Variants in LRSAM1 observed in about 807,000 individuals in gnomAD.
LRSAM1 encodes the protein leucine rich repeat and sterile alpha motif containing 1.
In LRSAM1, 96 loss-of-function variants were observed where a neutral mutation model predicts 118.1. The ratio of observed to expected loss-of-function variants is 0.81; its 90% CI spans 0.69 to 0.96. The LOEUF is 0.96. Ranked by LOEUF, LRSAM1 falls within the 40% of genes least tolerant of loss-of-function variation. The probability of loss-of-function intolerance (pLI) is 0.00; values close to 1 mark genes in which losing one functional copy is unlikely to be tolerated. For synonymous variants in LRSAM1, 322 were observed against 364.2 expected (o/e 0.88, Z 1.32); for missense variants, 804 against 915.5 (o/e 0.88, Z 1.57).
At chr9:127,494,790 T>A (rs1353065343) in intron 21 of LRSAM1, among the ~76,000 whole-genome samples, 2 of 151,966 alleles carry the variant, frequency 1.3e-5, no homozygotes, top group Non-Finnish European at 2.9e-5. Flanking sequence ...ACTAAAAATA[T>A]AAAAATTAGC....
intron 16 of LRSAM1, 79 bp downstream of exon 16, chr9:127,483,099 G>T: frequency 7.4e-7 from 1 of 1,360,204 alleles, no homozygotes; most frequent in Non-Finnish European, 1.0e-6. Context: ...CCCTCTGTTG[G>T]CCATGCATGG....
At chr9:127,458,402 A>C (rs1343988031) in intron 6 of LRSAM1, among the ~76,000 whole-genome samples, 1 of 150,380 alleles carries the variant, frequency 6.6e-6, no homozygotes, top group Non-Finnish European at 1.5e-5. Context: ...AACAAAACAA[A>C]ACAAAACAAA....
rs776224600 is a variant in LRSAM1 at position 127,502,947 on chromosome 9, G to T, written c.*48G>T. ...TGGTCCTAGCCCTGCCTCGGCCACT[G>T]TGAGCCCCGGGCTCCTGCTCAGCCT... On this transcript the variant is annotated 3_prime_UTR_variant, in exon 26 of 26. Transcript: ENST00000300417. 1.3e-6 allele frequency: 2 copies of T among 1,555,886 alleles called. No homozygotes were observed. Among genetic ancestry groups the T allele is most frequent in the South Asian group, 2.4e-5 (2 of 84,920 alleles).
chr9:127,495,087 G>C (rs1378809746), intron 21 of LRSAM1, among the ~76,000 whole-genome samples: 1 of 152,146 alleles, frequency 6.6e-6, no homozygotes, highest in African/African-American at 2.4e-5. Context: ...GAGTAGCTGG[G>C]ATTACAGGCA....
chr9:127,501,735 A>G (rs1404588397), intron 25 of LRSAM1, among the ~76,000 whole-genome samples: 1 of 152,238 alleles, frequency 6.6e-6, no homozygotes, highest in Admixed American at 6.5e-5. Flanking sequence ...CCATCTCAAA[A>G]AAAAGAAAAA....
intron 16 of LRSAM1, 147 bp downstream of exon 16, chr9:127,483,167 C>T: frequency 1.3e-6 from 1 of 754,574 alleles, no homozygotes; most frequent in South Asian, 1.6e-5. Flanking sequence ...GGAGCACAGG[C>T]TCTGGGGTCA....
chr9:127,481,040 A>T, intron 14 of LRSAM1, 143 bp from the exon 15 acceptor site: 1 of 808,814 alleles, frequency 1.2e-6, no homozygotes, highest in Non-Finnish European at 2.0e-6. Flanking sequence ...GGTTTCAGTA[A>T]CTGGCTAAGA....
intron 10 of LRSAM1, among the ~76,000 whole-genome samples, chr9:127,471,237 G>C (rs986088762): frequency 6.7e-6 from 1 of 149,500 alleles, no homozygotes; most frequent in Non-Finnish European, 1.5e-5. Flanking sequence ...CCAACATTTT[G>C]GGAGGCCAAG....
intron 24 of LRSAM1, 113 bp downstream of exon 24, chr9:127,497,447 C>A: frequency 9.3e-7 from 1 of 1,075,830 alleles, no homozygotes; most frequent in Non-Finnish European, 1.4e-6. Context: ...CTGGTTCTAG[C>A]CTCTGCTGGT....
chr9:127,453,639 A>C (rs953990911), intron 2 of LRSAM1: 2 of 152,236 alleles, frequency 1.3e-5, no homozygotes, highest in African/African-American at 4.8e-5. Context: ...CACCTGAGGA[A>C]ACGTCTCTAA....
At chr9:127,495,483 G>A in intron 22 of LRSAM1, 65 bp downstream of exon 22, 4 of 1,354,678 alleles carry the variant, frequency 3.0e-6, no homozygotes, top group Non-Finnish European at 3.2e-6. Flanking sequence ...AGGCGCCTGT[G>A]GTGCCTCCAC....
chr9:127,502,197 C>G (rs907839767), intron 25 of LRSAM1, among the ~76,000 whole-genome samples: 13 of 152,202 alleles, frequency 8.5e-5, no homozygotes, highest in African/African-American at 2.7e-4. Context: ...GAATATAATC[C>G]CCAGTTTTAT....
intron 14 of LRSAM1, among the ~76,000 whole-genome samples, chr9:127,480,263 T>C (rs893179208): frequency 6.6e-6 from 1 of 152,232 alleles, no homozygotes; most frequent in Non-Finnish European, 1.5e-5. Flanking sequence ...ATAAAGTGAG[T>C]GGGTTTGACA....
At chr9:127,497,478 G>T in intron 24 of LRSAM1, 144 bp downstream of exon 24, 1 of 867,760 alleles carries the variant, frequency 1.2e-6, no homozygotes, top group Non-Finnish European at 1.8e-6. Flanking sequence ...TCCTCCCAAG[G>T]AGCAGGCTTA....
At position 127,502,998 on chromosome 9, in the gene LRSAM1, TC is replaced by T. The variant is rs200242834; in HGVS notation, c.*105del. The T allele has an allele frequency of 0.016, 24,502 of 1,491,318 alleles. 281 individuals carry two copies. Among genetic ancestry groups the T allele is most frequent in the Non-Finnish European group, 0.02 (21,656 of 1,103,830 alleles). The allele number at this position is 1,491,318 out of a possible 1,614,324, so 92.4% of individuals were successfully genotyped here. A position where few individuals can be genotyped will look rare whatever the true frequency, so the allele number is the denominator to read the frequency against. ...TGTGCCAGCCAGACTCGTATGAGGC[TC>T]CCCCCTGCCCTGGGCCCCTTCCCCA... On this transcript the variant is annotated 3_prime_UTR_variant, in exon 26 of 26. Coordinates refer to ENST00000300417, the MANE Select transcript of LRSAM1 (RefSeq NM_001005373.4).
At chr9:127,457,194 G>A (rs1834550861) in intron 5 of LRSAM1, 122 bp from the exon 6 acceptor site, 3 of 984,352 alleles carry the variant, frequency 3.0e-6, no homozygotes, top group Non-Finnish European at 4.7e-6. Flanking sequence ...CATCCCCGTG[G>A]TGGTGTCTGG....
At chr9:127,487,927 G>T (rs553084262) in intron 18 of LRSAM1, among the ~76,000 whole-genome samples, 164 bp downstream of exon 18, 1 of 151,854 alleles carries the variant, frequency 6.6e-6, no homozygotes, top group South Asian at 2.1e-4. Context: ...GGTGGGAGAG[G>T]CTGAGGGGGG....
chr9:127,481,940 A>C (rs1010494197), intron 15 of LRSAM1, among the ~76,000 whole-genome samples: 6 of 151,746 alleles, frequency 4.0e-5, no homozygotes, highest in African/African-American at 1.5e-4. Flanking sequence ...CTATGGTTCC[A>C]GCTAAAAAAA....
intron 14 of LRSAM1, among the ~76,000 whole-genome samples, chr9:127,480,860 G>C (rs989245347): frequency 6.6e-6 from 1 of 152,024 alleles, no homozygotes; most frequent in Admixed American, 6.6e-5. Flanking sequence ...GCTAATTTTT[G>C]TAGAGATAAG....
Sources: allele counts gnomAD v4.1 joint callset (sites outside exome capture counted in the v4.1 genomes callset), GRCh38; gene constraint gnomAD v4.1.1; transcripts MANE v1.5; gene names NCBI Gene and HGNC (gene_info 2026-07-23, HGNC 2026-07-21).